Variants in RYR1 observed in about 807,000 individuals in gnomAD.
The protein encoded by RYR1 is ryanodine receptor 1, also known as central core disease of muscle.
Under a neutral mutation model 583.5 loss-of-function variants are expected in RYR1, and 342 were observed. The observed-to-expected ratio is 0.59, with a 90% CI of 0.54 to 0.64. RYR1 has a LOEUF of 0.64. RYR1 is among the 30% of genes least tolerant of loss of function. RYR1 has a pLI of 0.00. For missense variants in RYR1, 6,032 were observed against 6,917.2 expected (o/e 0.87, Z 4.54); for synonymous variants, 2,791 against 2,822.5 (o/e 0.99, Z 0.35).
chr19:38,478,982 G>A (rs944399536), intron 31 of RYR1, among the ~76,000 whole-genome samples: 8 of 152,166 alleles, frequency 5.3e-5, no homozygotes, highest in Non-Finnish European at 1.0e-4. Context: ...TGGCCAGGCT[G>A]GTCTCAAATT....
chr19:38,500,369 G>A lies in RYR1; in HGVS notation c.7324-237G>A, dbSNP rs1449052375. Among the ~76,000 whole-genome samples the A allele has an allele frequency of 1.3e-5, 2 of 150,206 alleles. No homozygotes were observed. The highest frequency in any genetic ancestry group is 2.1e-4 in the South Asian group (1 of 4,694). On this transcript the variant is annotated intron_variant, in intron 45 of 105. Transcript: ENST00000359596. The surrounding 1 kb of genome is among the most constrained non-coding windows in gnomAD (Gnocchi z 5.9). Reference sequence around the variant, plus strand: ...GATGGGGTCACAGGGATAGGGGTCGGGGCCAGGATGAGGGGTCGCAGGGAG... The same window carrying A: ...GATGGGGTCACAGGGATAGGGGTCGAGGCCAGGATGAGGGGTCGCAGGGAG...
chr19:38,511,505 C>T, intron 60 of RYR1, 56 bp from the exon 61 acceptor site: 1 of 1,591,840 alleles, frequency 6.3e-7, no homozygotes. Context: ...GTCCTCGTCT[C>T]CTTGGCCTCC....
chr19:38,583,277 A>C (rs1398551958), intron 101 of RYR1, among the ~76,000 whole-genome samples: 1 of 150,790 alleles, frequency 6.6e-6, no homozygotes, highest in Non-Finnish European at 1.5e-5. Context: ...AGCCTGGGCA[A>C]CAAGAGCAAA....
At chr19:38,492,669 G>A in intron 38 of RYR1, 33 bp downstream of exon 38, 3 of 1,549,876 alleles carry the variant, frequency 1.9e-6, no homozygotes, top group African/African-American at 1.4e-5. Flanking sequence ...AGAGGGCAGG[G>A]GTGGGGTGGG....
chr19:38,479,479 C>G (rs1290160127), intron 31 of RYR1, among the ~76,000 whole-genome samples: 1 of 152,166 alleles, frequency 6.6e-6, no homozygotes, highest in Non-Finnish European at 1.5e-5. Flanking sequence ...GTGATCACAG[C>G]TGACTGCAGC....
rs1412026660 is a variant in RYR1, at chr19:38,567,228, A to G, written c.13514+241A>G. On this transcript the variant is annotated intron_variant, in intron 92 of 105. Coordinates refer to ENST00000359596, the MANE Select transcript of RYR1 (RefSeq NM_000540.3). ...AGCATGGTGGTGTGTGGGGAGGCTG[A>G]GGTGGGAGGATCACTTGACCCCTGG... Among the ~76,000 whole-genome samples, 6 of 152,060 alleles carry G rather than the reference A, an allele frequency of 3.9e-5. No individual in the cohort carries two copies. The South Asian group carries it at 1.0e-3, about 26-fold the overall frequency.
intron 12 of RYR1, 48 bp from the exon 13 acceptor site, chr19:38,452,771 G>T (rs111240046): frequency 5.9e-6 from 9 of 1,519,580 alleles, no homozygotes; most frequent in African/African-American, 5.5e-5. Context: ...GTGACGTTGC[G>T]GCAGTTAGCG....
At chr19:38,542,516 T>A (rs1055667199) in intron 84 of RYR1, among the ~76,000 whole-genome samples, 4 of 152,064 alleles carry the variant, frequency 2.6e-5, no homozygotes, top group African/African-American at 9.7e-5. Context: ...ATTTTATTTT[T>A]TTATATTTAT....
intron 70 of RYR1, among the ~76,000 whole-genome samples, chr19:38,524,534 C>T (rs58611824): frequency 0.097 from 14,772 of 152,218 alleles, 845 homozygotes; most frequent in South Asian, 0.25. Flanking sequence ...AGTTGCCAGC[C>T]GGCGTGGATG....
rs1434787033 is a variant in RYR1, at chr19:38,467,677, G to A, written c.3246G>A (p.Val1082=). ...RIFRAEKSYT[V]QSGRWYFEFE... ...TCCGGGCAGAGAAATCCTATACAGTGCAGAGCGGCCGCTGGTACTTCGAGT... is the reference window on the plus strand; with the variant it reads ...TCCGGGCAGAGAAATCCTATACAGTACAGAGCGGCCGCTGGTACTTCGAGT... The change falls in exon 25 of 106, where the codon GTG becomes GTA. Residue 1082 remains valine, a synonymous_variant. Coordinates refer to ENST00000359596, the MANE Select transcript of RYR1 (RefSeq NM_000540.3). 2 of 1,614,222 alleles carry A rather than the reference G, an allele frequency of 1.2e-6. No homozygotes were observed. The highest frequency in any genetic ancestry group is 1.7e-6 in the Non-Finnish European group (2 of 1,180,036).
At chr19:38,580,899 ATT>A (rs74176451) in intron 101 of RYR1, among the ~76,000 whole-genome samples, 409 of 132,702 alleles carry the variant, frequency 3.1e-3, no homozygotes, top group African/African-American at 0.01. Flanking sequence ...TGCCAGGCAC[ATT>A]TTTTTTTTTT....
rs193922833 is a variant in RYR1 at position 38,512,367 on chromosome 19, G to A, written c.9356G>A (p.Arg3119His). Residue 3119 changes from arginine (R) to histidine (H), a missense_variant, in exon 63 of 106, where the codon CGC becomes CAC. By Grantham distance (29) the Arg-to-His change is conservative (BLOSUM62 0). Coordinates refer to ENST00000359596, the MANE Select transcript of RYR1 (RefSeq NM_000540.3). The surrounding 1 kb of genome is among the most constrained non-coding windows in gnomAD (Gnocchi z 5.1). ...NLRLGKVSQARTQVKGVGQNL... is the reference protein window; with the variant it reads ...NLRLGKVSQAHTQVKGVGQNL... ...CGGCTGGGCAAGGTGTCGCAGGCGCGCACCCAGGTGAAAGGCGTGGGCCAG... is the reference window on the plus strand; with the variant it reads ...CGGCTGGGCAAGGTGTCGCAGGCGCACACCCAGGTGAAAGGCGTGGGCCAG... 16 of 1,613,902 alleles carry A rather than the reference G, an allele frequency of 9.9e-6. No individual in the cohort carries two copies. In the East Asian group the frequency reaches 1.8e-4, roughly 18 times the overall value.
At position 38,499,759 on chromosome 19, in the gene RYR1, C is replaced by T. The variant is rs775082741; in HGVS notation, c.7152C>T (p.Ile2384=). Residue 2384 remains isoleucine, a synonymous_variant, in exon 44 of 106, where the codon ATC becomes ATT. Transcript: ENST00000359596. The surrounding 1 kb of genome is among the most constrained non-coding windows in gnomAD (Gnocchi z 7.3). ...TGCTGGCTGCCATCGAAGAGGCCAT[C>T]CGCATCTCCGAGGACCCTGCGAGGG... ...SGLLAAIEEA[I]RISEDPARDG... 6.2e-7 allele frequency: 1 copy of T among 1,602,092 alleles called. No individual in the cohort carries two copies.
chr19:38,567,045 G>A, intron 92 of RYR1, 58 bp downstream of exon 92: 1 of 1,549,034 alleles, frequency 6.5e-7, no homozygotes, highest in Non-Finnish European at 8.7e-7. Flanking sequence ...TCCTAGAGTA[G>A]GAGCCTCCAG....
At chr19:38,487,919 G>T (rs543719897) in intron 34 of RYR1, among the ~76,000 whole-genome samples, 2 of 152,208 alleles carry the variant, frequency 1.3e-5, no homozygotes, top group Non-Finnish European at 2.9e-5. Context: ...GGCATGAGAC[G>T]CTCTGCTCAA....
At chr19:38,506,993 A>G in intron 57 of RYR1, 41 bp downstream of exon 57, 1 of 1,611,762 alleles carries the variant, frequency 6.2e-7, no homozygotes, top group Non-Finnish European at 8.5e-7. Context: ...AGCAGGCAGA[A>G]CACACCCGGC....
chr19:38,463,022 A>G (rs1241943670), intron 20 of RYR1, among the ~76,000 whole-genome samples: 1 of 144,076 alleles, frequency 6.9e-6, no homozygotes, highest in Admixed American at 7.4e-5. Flanking sequence ...TTAGCCTCCC[A>G]AGTAACTGGG....
intron 87 of RYR1, among the ~76,000 whole-genome samples, chr19:38,544,787 T>C (rs74997501): frequency 6.6e-6 from 1 of 151,716 alleles, no homozygotes; most frequent in Non-Finnish European, 1.5e-5. Context: ...GGTATCATCA[T>C]GTAGAATTCC....
intron 28 of RYR1, among the ~76,000 whole-genome samples, chr19:38,474,314 A>G (rs1258106496): frequency 6.6e-6 from 1 of 151,744 alleles, no homozygotes; most frequent in East Asian, 1.9e-4. Context: ...CCAGGCTGGA[A>G]TGCAATGGCG....
Sources: gnomAD v4.1 joint callset for allele counts (sites outside exome capture counted in the v4.1 genomes callset) on GRCh38, gnomAD v4.1.1 for gene constraint, Gnocchi (gnomAD v3.1) non-coding constraint, MANE v1.5 for transcripts, NCBI Gene and HGNC (gene_info 2026-07-23, HGNC 2026-07-21) for gene names.